Variants in LONRF2 observed in about 807,000 individuals in gnomAD.
LONRF2 encodes the protein LON peptidase N-terminal domain and ring finger 2.
A neutral mutation model predicts 66.6 loss-of-function variants in LONRF2; 35 were observed. The ratio of observed to expected loss-of-function variants is 0.53; its 90% CI spans 0.40 to 0.70. The LOEUF (loss-of-function observed/expected upper bound fraction) is 0.70. LONRF2 is among the 30% of genes least tolerant of loss of function. LONRF2 has a pLI of 0.00. For missense variants in LONRF2, 902 were observed against 1,002.1 expected (o/e 0.90, Z 1.35); for synonymous variants, 417 against 418.1 (o/e 1.00, Z 0.03).
At chr2:100,288,328 C>T (rs1490936552) in intron 10 of LONRF2, among the ~76,000 whole-genome samples, 1 of 152,212 alleles carries the variant, frequency 6.6e-6, no homozygotes, top group Non-Finnish European at 1.5e-5. Flanking sequence ...ATTCACAAAT[C>T]CTAAGTGTAC....
At chr2:100,308,658 C>A (rs1214087409) in intron 2 of LONRF2, among the ~76,000 whole-genome samples, 7 of 152,154 alleles carry the variant, frequency 4.6e-5, no homozygotes, top group Non-Finnish European at 1.0e-4. Context: ...AACACAGAGA[C>A]TAAAATTAGT....
chr2:100,278,465 A>G lies in LONRF2; in HGVS notation c.*5833T>C, dbSNP rs1351844277. 6.6e-6 allele frequency: 1 copy of G among 152,242 alleles called. No individual in the cohort carries two copies. Among genetic ancestry groups the G allele is most frequent in the Non-Finnish European group, 1.5e-5 (1 of 68,102 alleles). The allele number at this position is 152,242 out of a possible 1,614,324, so 9.4% of individuals were successfully genotyped here. A position where few individuals can be genotyped will look rare whatever the true frequency, so the allele number is the denominator to read the frequency against. On this transcript the variant is annotated 3_prime_UTR_variant, in exon 12 of 12. Coordinates refer to ENST00000393437, the MANE Select transcript of LONRF2 (RefSeq NM_198461.4). ...TCCGATACGGGACCCACTTGAGCCTAAACTTCCACCAAAAAGCAAGAACCA... is the reference window on the plus strand; with the variant it reads ...TCCGATACGGGACCCACTTGAGCCTGAACTTCCACCAAAAAGCAAGAACCA...
rs1298559146 is a variant in LONRF2 at position 100,299,927 on chromosome 2, G to C, written c.1066-9C>G. ...GATTTCTCAGATGAATTCTGGTTAA[G>C]TGGGAAAAAAAGGAATCCTGAGTAT... On this transcript the variant is annotated splice_polypyrimidine_tract_variant and intron_variant, in intron 4 of 11. Transcript: ENST00000393437. 1.3e-6 allele frequency: 2 copies of C among 1,550,318 alleles called. No individual in the cohort carries two copies. Among genetic ancestry groups the C allele is most frequent in the Non-Finnish European group, 1.8e-6 (2 of 1,139,552 alleles).
intron 1 of LONRF2, among the ~76,000 whole-genome samples, chr2:100,312,930 T>C (rs1210810335): frequency 6.6e-6 from 1 of 152,146 alleles, no homozygotes; most frequent in Non-Finnish European, 1.5e-5. Flanking sequence ...GGAAGAAAAA[T>C]GTACATATGT....
chr2:100,287,753 T>G (rs1219989090), intron 10 of LONRF2, among the ~76,000 whole-genome samples: 2 of 152,122 alleles, frequency 1.3e-5, no homozygotes, highest in African/African-American at 4.8e-5. Context: ...GAACACCTGG[T>G]AGAGGAGGAA....
chr2:100,321,879 C>T lies in LONRF2; in HGVS notation c.215G>A (p.Gly72Asp), dbSNP rs1372542888. The change falls in exon 1 of 12, where the codon GGC (glycine) becomes GAC (aspartate). Residue 72 changes from glycine (G) to aspartate (D), a missense_variant. Gly to Asp is a moderately conservative substitution (Grantham distance 94, BLOSUM62 -1). Around this residue, in one of 2 missense-constraint regions of LONRF2, gnomAD observed 585 missense variants for 569.9 expected, o/e 1.03. Transcript: ENST00000393437. ...LRLGDALARAGRLPEALGAFR... is the reference protein window; with the variant it reads ...LRLGDALARADRLPEALGAFR... The stretch of plus-strand genomic sequence containing the variant: ...CGCGCCCAGGGCTTCGGGGAGGCGG[C>T]CGGCGCGGGCCAGCGCGTCCCCCAG... The T allele has an allele frequency of 5.8e-6, 7 of 1,216,110 alleles. No homozygotes were observed. Among genetic ancestry groups the T allele is most frequent in the East Asian group, 6.9e-5 (2 of 29,058 alleles). The allele number at this position is 1,216,110 out of a possible 1,614,324, so 75.3% of individuals were successfully genotyped here.
In LONRF2 at chr2:100,279,588, T is replaced by C. The variant is rs1674669782; in HGVS notation, c.*4710A>G. Reference sequence around the variant, plus strand: ...TTCTATATTTTATGATATTTTGACATCTCAGGGGCCTCGCTGACCCAGGAG... The same window carrying C: ...TTCTATATTTTATGATATTTTGACACCTCAGGGGCCTCGCTGACCCAGGAG... On this transcript the variant is annotated 3_prime_UTR_variant, in exon 12 of 12. Coordinates refer to ENST00000393437, the MANE Select transcript of LONRF2 (RefSeq NM_198461.4). 6.6e-6 allele frequency: 1 copy of C among 152,170 alleles called. No homozygotes were observed. Among genetic ancestry groups the C allele is most frequent in the Non-Finnish European group, 1.5e-5 (1 of 68,042 alleles). 9.4% of individuals were successfully genotyped at this position (152,170 alleles called of 1,614,324 possible).
intron 8 of LONRF2, 35 bp from the exon 9 acceptor site, chr2:100,294,422 T>C (rs373654751): frequency 4.9e-5 from 75 of 1,518,978 alleles, no homozygotes; most frequent in Admixed American, 1.4e-4. Flanking sequence ...CTCAGATGTA[T>C]GAGCTGTTAG....
In LONRF2 at chr2:100,322,025, G is replaced by A. The variant is rs1369184854; in HGVS notation, c.69C>T (p.Ile23=). The change falls in exon 1 of 12, where the codon ATC becomes ATT. Residue 23 remains isoleucine (I), a synonymous_variant. Transcript: ENST00000393437. ...QCPGCDRAEP[I]AQRLEEGDEA... ...CGTCGCCCTCCTCTAAGCGCTGGGC[G>A]ATCGGCTCCGCGCGGTCGCAGCCAG... 7.2e-7 allele frequency: 1 copy of A among 1,387,484 alleles called. No individual in the cohort carries two copies. Among genetic ancestry groups the A allele is most frequent in the Admixed American group, 3.1e-5 (1 of 32,448 alleles). The allele number at this position is 1,387,484 out of a possible 1,614,324, so 85.9% of individuals were successfully genotyped here.
At position 100,286,987 on chromosome 2, in the gene LONRF2, G is replaced by C. The variant is rs1674859052; in HGVS notation, c.1997C>G (p.Ser666Cys). 1.2e-6 allele frequency: 2 copies of C among 1,614,082 alleles called. No homozygotes were observed. Among genetic ancestry groups the C allele is most frequent in the Non-Finnish European group, 1.7e-6 (2 of 1,180,032 alleles). ...VHQQSVSWFA[S>C]LQDRMKEQIL... ...TTGTTCTTTCATGCGATCCTGGAGA[G>C]ACGCGAACCAGGAAACAGACTGTTG... Residue 666 changes from serine to cysteine, a missense_variant, in exon 11 of 12, where the codon TCT (serine) becomes TGT (cysteine). By Grantham distance (112) the Ser-to-Cys change is moderately radical. Transcript: ENST00000393437.
At position 100,313,270 on chromosome 2, in the gene LONRF2, G is replaced by A. The variant is rs561058395; in HGVS notation, c.680-4045C>T. ...AACACTTTGGGAGGCCGAGGTGGGC[G>A]GATCACTTGAGGTCAGAAGTTTGAG... On this transcript the variant is annotated intron_variant, in intron 1 of 11. Transcript: ENST00000393437. Among the ~76,000 whole-genome samples the A allele has an allele frequency of 2.4e-3, 369 of 152,298 alleles. 1 individual carries two copies. The highest frequency in any genetic ancestry group is 8.3e-3 in the African/African-American group (345 of 41,574).
In LONRF2 at chr2:100,290,240, C is replaced by G. The variant is rs747516849; in HGVS notation, c.1920+18G>C. On this transcript the variant is annotated intron_variant, in intron 10 of 11. Transcript: ENST00000393437. ...GAGGACCGACTGCTATAAAATACAC[C>G]AGTATGATAAGCCTTACCTTTTCAT... 96 of 1,600,552 alleles carry G rather than the reference C, an allele frequency of 6.0e-5. No individual in the cohort carries two copies. Among genetic ancestry groups the G allele is most frequent in the Non-Finnish European group, 8.0e-5 (94 of 1,173,370 alleles).
chr2:100,294,389 T>C lies in LONRF2; in HGVS notation c.1599-2A>G. On this transcript the variant is annotated splice_acceptor_variant, in intron 8 of 11. Coordinates refer to ENST00000393437, the MANE Select transcript of LONRF2 (RefSeq NM_198461.4). LOFTEE classifies it high-confidence loss of function. ...AAGATGGGGACGTCTCTGGTCAGAC[T>C]GCAGAGCAAGGGGACATGTTATCTC... is the stretch of plus-strand genomic sequence containing the variant. 1 of 1,571,464 alleles carries C rather than the reference T, an allele frequency of 6.4e-7. No individual in the cohort carries two copies. The highest frequency in any genetic ancestry group is 8.6e-7 in the Non-Finnish European group (1 of 1,163,014).
chr2:100,284,801 T>C (rs145220687), intron 11 of LONRF2, among the ~76,000 whole-genome samples: 3 of 152,326 alleles, frequency 2.0e-5, no homozygotes, highest in African/African-American at 7.2e-5. Context: ...CAGAGGAGAA[T>C]ACTATCACTT....
At chr2:100,308,749 A>G (rs1172670318) in intron 2 of LONRF2, among the ~76,000 whole-genome samples, 1 of 152,260 alleles carries the variant, frequency 6.6e-6, no homozygotes, top group Admixed American at 6.5e-5. Flanking sequence ...ACAGCTAATC[A>G]TGATCATTAT....
At chr2:100,286,599 T>C (rs183363454) in intron 11 of LONRF2, among the ~76,000 whole-genome samples, 1 of 152,312 alleles carries the variant, frequency 6.6e-6, no homozygotes, top group African/African-American at 2.4e-5. Context: ...TTCATGCCAA[T>C]ACAATAAAGT....
At chr2:100,316,510 A>G (rs1675511178) in intron 1 of LONRF2, among the ~76,000 whole-genome samples, 1 of 152,094 alleles carries the variant, frequency 6.6e-6, no homozygotes, top group African/African-American at 2.4e-5. Flanking sequence ...ATTTAATTTT[A>G]GTTTAAGTCC....
At chr2:100,287,786 G>A (rs1181130768) in intron 10 of LONRF2, among the ~76,000 whole-genome samples, 3 of 152,146 alleles carry the variant, frequency 2.0e-5, no homozygotes, top group African/African-American at 7.2e-5. Context: ...GGGAATCACG[G>A]GGCCAGGGTT....
rs140821978 is a variant in LONRF2, at chr2:100,309,230, A to C, written c.680-5T>G. On this transcript the variant is annotated splice_region_variant and splice_polypyrimidine_tract_variant and intron_variant, in intron 1 of 11. Coordinates refer to ENST00000393437, the MANE Select transcript of LONRF2 (RefSeq NM_198461.4). ...ATAATGAATTATCATCAGGAGCTGA[A>C]AGACAGGAGGAATACAAATCAATAA... 3.1e-4 allele frequency: 487 copies of C among 1,570,804 alleles called. 1 individual carries two copies. The African/African-American group carries it at 5.1e-3, about 16-fold the overall frequency.
Sources: allele counts gnomAD v4.1 joint callset (sites outside exome capture counted in the v4.1 genomes callset), GRCh38; gene constraint gnomAD v4.1.1; regional missense constraint gnomAD v4.1.1; transcripts MANE v1.5; gene names NCBI Gene and HGNC (gene_info 2026-07-23, HGNC 2026-07-21).